Variants in ADAM12 observed in about 807,000 individuals in gnomAD.
The protein encoded by ADAM12 is ADAM metallopeptidase domain 12, also known as disintegrin and metalloproteinase domain-containing protein 12.
In ADAM12, 70 loss-of-function variants were observed where a neutral mutation model predicts 106.4. The ratio of observed to expected loss-of-function variants is 0.66; its 90% CI spans 0.54 to 0.80. The LOEUF (loss-of-function observed/expected upper bound fraction) is 0.80, where lower values mean the gene tolerates loss of function less well. Ranked by LOEUF, ADAM12 falls within the 30% of genes least tolerant of loss-of-function variation. The pLI, the probability that ADAM12 is intolerant of heterozygous loss-of-function variation, is 0.00. For missense variants in ADAM12, 1,010 were observed against 1,171.9 expected (o/e 0.86, Z 2.02); for synonymous variants, 420 against 433.5 (o/e 0.97, Z 0.39).
chr10:126,126,778 T>A (rs185957285), intron 5 of ADAM12, among the ~76,000 whole-genome samples: 4 of 151,780 alleles, frequency 2.6e-5, no homozygotes, highest in African/African-American at 9.7e-5. Context: ...AAGGAGACGC[T>A]ATAGGGGAGA....
chr10:126,262,719 G>T (rs901342147), intron 3 of ADAM12, among the ~76,000 whole-genome samples: 6 of 152,056 alleles, frequency 3.9e-5, no homozygotes, highest in Non-Finnish European at 5.9e-5. Context: ...TATCATAACT[G>T]CTTTAAAAAT....
intron 11 of ADAM12, among the ~76,000 whole-genome samples, chr10:126,077,215 A>G (rs1224733625): frequency 1.3e-5 from 2 of 152,192 alleles, no homozygotes; most frequent in African/African-American, 2.4e-5. Flanking sequence ...AAAGTTCTCT[A>G]TAAGAGAACT....
intron 8 of ADAM12, among the ~76,000 whole-genome samples, chr10:126,105,657 C>A (rs375515770): frequency 6.6e-6 from 1 of 152,346 alleles, no homozygotes; most frequent in Non-Finnish European, 1.5e-5. Flanking sequence ...CTAAAGTAAA[C>A]ATATAAACAA....
intron 3 of ADAM12, among the ~76,000 whole-genome samples, chr10:126,264,132 T>C (rs1356508587): frequency 1.3e-5 from 2 of 152,246 alleles, no homozygotes; most frequent in Admixed American, 1.3e-4. Context: ...AAAATATTAA[T>C]GAATAATTGT....
At chr10:126,196,977 T>C (rs530853051) in intron 3 of ADAM12, among the ~76,000 whole-genome samples, 66 of 151,924 alleles carry the variant, frequency 4.3e-4, no homozygotes, top group Non-Finnish European at 8.5e-4. Context: ...GGATCTAGGG[T>C]ATAGAGGCCT....
chr10:126,236,161 G>T (rs1478752432), intron 3 of ADAM12, among the ~76,000 whole-genome samples: 1 of 152,224 alleles, frequency 6.6e-6, no homozygotes, highest in Admixed American at 6.5e-5. Context: ...AGAAGCCAGG[G>T]GATGCTGGAG....
chr10:126,368,359 T>G (rs1430435589), intron 1 of ADAM12, among the ~76,000 whole-genome samples: 1 of 147,010 alleles, frequency 6.8e-6, no homozygotes, highest in African/African-American at 2.5e-5. Flanking sequence ...GTGATTTGTT[T>G]TTTTTTTTTT....
At chr10:126,382,811 A>T (rs1856540181) in intron 1 of ADAM12, among the ~76,000 whole-genome samples, 1 of 152,218 alleles carries the variant, frequency 6.6e-6, no homozygotes, top group Admixed American at 6.5e-5. Context: ...TTTAACAAGT[A>T]ATGACTAACA....
At chr10:126,139,571 TG>T (rs1565088726) in intron 4 of ADAM12, among the ~76,000 whole-genome samples, 1 of 150,914 alleles carries the variant, frequency 6.6e-6, no homozygotes, top group African/African-American at 2.4e-5. Context: ...AAGAGTGAAA[TG>T]GCTAGGTATG....
At chr10:126,350,488 C>A (rs1209125112) in intron 1 of ADAM12, among the ~76,000 whole-genome samples, 1 of 152,222 alleles carries the variant, frequency 6.6e-6, no homozygotes, top group Non-Finnish European at 1.5e-5. Flanking sequence ...GCTGCCTGGG[C>A]ATGGCCACCA....
intron 3 of ADAM12, among the ~76,000 whole-genome samples, chr10:126,236,910 T>G (rs1958428753): frequency 6.6e-6 from 1 of 152,194 alleles, no homozygotes. Context: ...ACCCTGGGCA[T>G]GGGCAGGCAG....
At chr10:126,188,057 A>G (rs1374736202) in intron 3 of ADAM12, among the ~76,000 whole-genome samples, 3 of 152,198 alleles carry the variant, frequency 2.0e-5, no homozygotes, top group African/African-American at 7.2e-5. Flanking sequence ...CCAGGCTGTG[A>G]AGGGGCAATG....
intron 1 of ADAM12, among the ~76,000 whole-genome samples, chr10:126,351,405 T>C (rs897877559): frequency 9.9e-5 from 15 of 152,170 alleles, no homozygotes; most frequent in Non-Finnish European, 1.6e-4. Context: ...TGCACTACAA[T>C]GGATCCCTGT....
intron 21 of ADAM12, among the ~76,000 whole-genome samples, chr10:126,023,515 T>TA (rs1304747894): frequency 6.6e-6 from 1 of 152,178 alleles, no homozygotes; most frequent in Non-Finnish European, 1.5e-5. Flanking sequence ...GGTCAAGACA[T>TA]ATGGGCAGAA....
At chr10:126,351,004 C>T (rs1449071246) in intron 1 of ADAM12, among the ~76,000 whole-genome samples, 1 of 152,194 alleles carries the variant, frequency 6.6e-6, no homozygotes, top group Non-Finnish European at 1.5e-5. Flanking sequence ...GGCCATGTTC[C>T]CCCACCACAG....
intron 6 of ADAM12, among the ~76,000 whole-genome samples, chr10:126,113,314 T>C (rs1439260955): frequency 5.9e-5 from 9 of 151,552 alleles, no homozygotes; most frequent in Non-Finnish European, 1.5e-5. Context: ...GGCAAGGAGG[T>C]TGAGTGATAG....
chr10:126,067,279 G>A (rs1424541005), intron 12 of ADAM12, among the ~76,000 whole-genome samples: 1 of 152,226 alleles, frequency 6.6e-6, no homozygotes, highest in African/African-American at 2.4e-5. Flanking sequence ...TCAAACCAGT[G>A]GTTTCAACCA....
At chr10:126,361,470 C>G (rs1286391903) in intron 1 of ADAM12, among the ~76,000 whole-genome samples, 1 of 152,032 alleles carries the variant, frequency 6.6e-6, no homozygotes, top group African/African-American at 2.4e-5. Context: ...AAAACCCTGA[C>G]TAGCCAAAGC....
chr10:126,258,394 ACACGCCCCACCCG>A (rs1435614338), intron 3 of ADAM12, among the ~76,000 whole-genome samples: 1 of 82,398 alleles, frequency 1.2e-5, no homozygotes, highest in Non-Finnish European at 2.9e-5. Flanking sequence ...TCCGTGCCCC[ACACGCCCCACCCG>A]TGCCCCACAC....
Sources: gnomAD v4.1 joint callset for allele counts (sites outside exome capture counted in the v4.1 genomes callset) on GRCh38, gnomAD v4.1.1 for gene constraint, MANE v1.5 for transcripts, NCBI Gene and HGNC (gene_info 2026-07-23, HGNC 2026-07-21) for gene names.